Variants in FHIT observed in about 807,000 individuals in gnomAD.
FHIT encodes the protein bis(5'-adenosyl)-triphosphatase.
A neutral mutation model predicts 17.9 loss-of-function variants in FHIT; 19 were observed. The ratio of observed to expected loss-of-function variants is 1.06; its 90% CI spans 0.74 to 1.56. The LOEUF is 1.56. FHIT is among the 40% of genes most tolerant of loss of function. The pLI is 0.00. For synonymous variants in FHIT, 81 were observed against 69.7 expected (o/e 1.16, Z -0.81); for missense variants, 248 against 189.2 (o/e 1.31, Z -1.82).
chr3:60,277,331 C>A (rs1352202255), intron 5 of FHIT, among the ~76,000 whole-genome samples: 1 of 152,016 alleles, frequency 6.6e-6, no homozygotes, highest in Admixed American at 6.6e-5. Context: ...GAAAAGCAGC[C>A]GCCAAATCAT....
intron 4 of FHIT, among the ~76,000 whole-genome samples, chr3:60,705,260 C>T (rs1184791160): frequency 2.0e-5 from 3 of 152,050 alleles, no homozygotes; most frequent in Admixed American, 6.6e-5. Flanking sequence ...AGGAAGGAGA[C>T]ATAAACATAG....
chr3:60,286,300 T>C (rs994395898), intron 5 of FHIT, among the ~76,000 whole-genome samples: 2 of 152,244 alleles, frequency 1.3e-5, no homozygotes, highest in African/African-American at 4.8e-5. Context: ...TAATGGTTTT[T>C]AGAAACTTGG....
Position 60,785,934 on chromosome 3 carries a change from C to CACAG in FHIT, c.-18+35984_-18+35985insCTGT, listed in dbSNP as rs139392863. On this transcript the variant is annotated intron_variant, in intron 4 of 9. Transcript: ENST00000492590. ...ACACACACACACACACACACACACA[C>CACAG]AGAGAGAGTACTTTTCAAGATTAGT... Among the ~76,000 whole-genome samples the CACAG allele has an allele frequency of 6.3e-3, 867 of 137,946 alleles. 10 individuals are homozygous for CACAG. The highest frequency in any genetic ancestry group is 0.021 in the African/African-American group (792 of 37,634). 90.5% of individuals were successfully genotyped at this position (137,946 alleles called of 152,430 possible). A position where few individuals can be genotyped will look rare whatever the true frequency, so the allele number is the denominator to read the frequency against.
chr3:60,040,295 A>G (rs1163100663), intron 5 of FHIT, among the ~76,000 whole-genome samples: 1 of 151,908 alleles, frequency 6.6e-6, no homozygotes, highest in African/African-American at 2.4e-5. Context: ...ACAGGCATGT[A>G]CCACCATGCC....
At chr3:60,549,249 A>G (rs2036468142) in intron 4 of FHIT, among the ~76,000 whole-genome samples, 1 of 152,216 alleles carries the variant, frequency 6.6e-6, no homozygotes, top group South Asian at 2.1e-4. Context: ...CCATACTGCC[A>G]TTAGGTGACT....
chr3:60,593,979 G>C (rs782667834), intron 4 of FHIT, among the ~76,000 whole-genome samples: 1 of 152,040 alleles, frequency 6.6e-6, no homozygotes, highest in Admixed American at 6.6e-5. Flanking sequence ...ATGCTCTATC[G>C]ACTTCTCATG....
chr3:60,317,118 T>G (rs1170517277), intron 5 of FHIT, among the ~76,000 whole-genome samples: 4 of 152,192 alleles, frequency 2.6e-5, no homozygotes, highest in Non-Finnish European at 5.9e-5. Context: ...AATAATGTAT[T>G]CTTACATTCT....
chr3:60,577,346 T>A (rs561138095), intron 4 of FHIT, among the ~76,000 whole-genome samples: 12 of 152,244 alleles, frequency 7.9e-5, no homozygotes, highest in African/African-American at 2.4e-4. Context: ...TTTAGCCCCT[T>A]ACATTAGGTG....
chr3:60,165,925 T>A (rs1190972919), intron 5 of FHIT, among the ~76,000 whole-genome samples: 1 of 152,164 alleles, frequency 6.6e-6, no homozygotes, highest in East Asian at 1.9e-4. Flanking sequence ...ACTTCTGTTT[T>A]TTTCACCGGA....
chr3:60,492,750 A>AC (rs1157862138), intron 5 of FHIT, among the ~76,000 whole-genome samples: 1 of 151,498 alleles, frequency 6.6e-6, no homozygotes, highest in Non-Finnish European at 1.5e-5. Context: ...CAGGTGATCC[A>AC]CCCGCCTCTC....
intron 5 of FHIT, among the ~76,000 whole-genome samples, chr3:60,473,629 T>C (rs1019613412): frequency 1.7e-4 from 26 of 152,242 alleles, no homozygotes; most frequent in Admixed American, 6.6e-4. Context: ...ACATGAAAAC[T>C]TAACCTCAGC....
At chr3:60,347,847 C>T (rs989678512) in intron 5 of FHIT, among the ~76,000 whole-genome samples, 1 of 152,152 alleles carries the variant, frequency 6.6e-6, no homozygotes, top group Non-Finnish European at 1.5e-5. Flanking sequence ...CAACCTCCCC[C>T]TCCTGGGTTC....
chr3:60,193,617 T>C (rs1702498740), intron 5 of FHIT, among the ~76,000 whole-genome samples: 2 of 152,172 alleles, frequency 1.3e-5, no homozygotes, highest in East Asian at 1.9e-4. Context: ...AGTCATTTTA[T>C]AGAAAGGTAA....
chr3:60,765,389 G>C (rs1367496615), intron 4 of FHIT: 2 of 152,112 alleles, frequency 1.3e-5, no homozygotes, highest in Non-Finnish European at 2.9e-5. Context: ...AAATAAAAGT[G>C]AATATCAGGG....
At position 60,117,494 on chromosome 3, in the gene FHIT, T is replaced by TGAAAA. The variant is rs1378538733; in HGVS notation, c.104-103343_104-103342insTTTTC. Reference sequence around the variant, plus strand: ...GACCCAAAGTCTATTACTTCCTATCTAAAAAAAAAAAAAAAAAAAAAAAAA... The same window carrying TGAAAA: ...GACCCAAAGTCTATTACTTCCTATCTGAAAAAAAAAAAAAAAAAAAAAAAAAAAAA... On this transcript the variant is annotated intron_variant, in intron 5 of 9. Transcript: ENST00000492590. Among the ~76,000 whole-genome samples, 17 of 86,766 alleles carry TGAAAA rather than the reference T, an allele frequency of 2.0e-4. 1 individual carries two copies. Among genetic ancestry groups the TGAAAA allele is most frequent in the East Asian group, 1.3e-3 (4 of 3,132 alleles). 56.9% of individuals were successfully genotyped at this position (86,766 alleles called of 152,430 possible).
chr3:59,753,539 A>C (rs529089805), intron 8 of FHIT, among the ~76,000 whole-genome samples: 7 of 152,302 alleles, frequency 4.6e-5, no homozygotes, highest in Non-Finnish European at 7.4e-5. Context: ...GTGTGGCTCT[A>C]TACATTGTAA....
At position 60,107,242 on chromosome 3, in the gene FHIT, C is replaced by T. The variant is rs186698971; in HGVS notation, c.104-93090G>A. 2.6e-4 allele frequency among the ~76,000 whole-genome samples: 36 copies of T among 135,878 alleles called. No individual in the cohort carries two copies. In the East Asian group the frequency reaches 7.7e-3, roughly 29 times the overall value. 89.1% of individuals were successfully genotyped at this position (135,878 alleles called of 152,430 possible). ...CCAGAGCACATGTGCATAGATAAAA[C>T]TTTGCAGTAAACTATCCTGTTACAG... On this transcript the variant is annotated intron_variant, in intron 5 of 9. Coordinates refer to ENST00000492590, the MANE Select transcript of FHIT (RefSeq NM_002012.4).
chr3:60,826,993 T>C (rs1702148287), intron 3 of FHIT, among the ~76,000 whole-genome samples: 1 of 152,064 alleles, frequency 6.6e-6, no homozygotes, highest in Non-Finnish European at 1.5e-5. Context: ...AGATTAGGTT[T>C]TCCCCCCACA....
intron 5 of FHIT, among the ~76,000 whole-genome samples, chr3:60,475,905 A>G (rs1032054025): frequency 6.6e-6 from 1 of 151,726 alleles, no homozygotes; most frequent in African/African-American, 2.4e-5. Flanking sequence ...TATCTTTTCC[A>G]CTCATGCCCA....
Sources: gnomAD v4.1 joint callset for allele counts (sites outside exome capture counted in the v4.1 genomes callset) on GRCh38, gnomAD v4.1.1 for gene constraint, MANE v1.5 for transcripts, NCBI Gene and HGNC (gene_info 2026-07-23, HGNC 2026-07-21) for gene names.